TENM3: variants seen among roughly 807,000 people sequenced by gnomAD.
The protein encoded by TENM3 is teneurin transmembrane protein 3.
Under a neutral mutation model 255.1 loss-of-function variants are expected in TENM3, and 63 were observed. The ratio of observed to expected loss-of-function variants is 0.25; its 90% confidence interval spans 0.20 to 0.30. The LOEUF (loss-of-function observed/expected upper bound fraction) is 0.30. Ranked by LOEUF, TENM3 falls within the 10% of genes least tolerant of loss-of-function variation. The pLI, the probability that TENM3 is intolerant of heterozygous loss-of-function variation, is 1.00. For missense variants in TENM3, 2,929 were observed against 3,461.1 expected (o/e 0.85, Z 3.86); for synonymous variants, 1,306 against 1,322.3 (o/e 0.99, Z 0.27).
chr4:182,351,618 T>A (rs563204829), intron 3 of TENM3, among the ~76,000 whole-genome samples: 3 of 152,324 alleles, frequency 2.0e-5, no homozygotes, highest in South Asian at 2.1e-4. Flanking sequence ...TGGAGAAAGA[T>A]GACCTTTGAT....
the TENM3 span, among the ~76,000 whole-genome samples, chr4:181,559,406 G>A: frequency 6.6e-6 from 1 of 152,246 alleles, no homozygotes; most frequent in South Asian, 2.1e-4. Flanking sequence ...TTTTACATAG[G>A]CAGCAGCTTG....
intron 3 of TENM3, among the ~76,000 whole-genome samples, chr4:182,560,130 A>G (rs916587127): frequency 6.6e-6 from 1 of 151,452 alleles, no homozygotes; most frequent in African/African-American, 2.4e-5. Flanking sequence ...ACAGTACATC[A>G]CAATCACACA....
chr4:181,699,472 A>AAAAAAAAAAAAAAAAAAAAAAAAAAAAT, the TENM3 span, among the ~76,000 whole-genome samples: 4 of 133,052 alleles, frequency 3.0e-5, no homozygotes, highest in African/African-American at 1.2e-4. Flanking sequence ...AAAAAAAAAA[A>AAAAAAAAAAAAAAAAAAAAAAAAAAAAT]GAAAGAAAGA....
At chr4:182,442,620 C>CT (rs1208679823) in intron 3 of TENM3, among the ~76,000 whole-genome samples, 6 of 152,082 alleles carry the variant, frequency 3.9e-5, no homozygotes, top group Non-Finnish European at 1.5e-5. Flanking sequence ...GAGATAGAGT[C>CT]TTGCTTTGTC....
At chr4:182,617,697 A>G (rs1485613353) in intron 4 of TENM3, among the ~76,000 whole-genome samples, 1 of 152,188 alleles carries the variant, frequency 6.6e-6, no homozygotes, top group African/African-American at 2.4e-5. Context: ...CAAAACATCT[A>G]ATTTGAAGAA....
the TENM3 span, among the ~76,000 whole-genome samples, chr4:181,719,181 C>A: frequency 2.7e-5 from 4 of 150,696 alleles, no homozygotes; most frequent in East Asian, 7.7e-4. Flanking sequence ...AGTCCGCAGT[C>A]CGGCCTGGGC....
At chr4:182,249,875 C>T (rs532320109) in intron 1 of TENM3, among the ~76,000 whole-genome samples, 1 of 152,002 alleles carries the variant, frequency 6.6e-6, no homozygotes, top group South Asian at 2.1e-4. Context: ...AGGGATCCTC[C>T]ACCCAGCCTC....
the TENM3 span, among the ~76,000 whole-genome samples, chr4:181,637,216 T>A: frequency 1.1e-5 from 1 of 89,032 alleles, no homozygotes; most frequent in Non-Finnish European, 2.7e-5. Context: ...ATAGTTTCTA[T>A]AACAACAACA....
At chr4:182,127,222 C>T in the TENM3 span, among the ~76,000 whole-genome samples, 69,398 of 151,976 alleles carry the variant, frequency 0.46, 16,419 homozygotes, top group Non-Finnish European at 0.54. Flanking sequence ...ATATGTAAGG[C>T]AGACATCTAA....
the TENM3 span, among the ~76,000 whole-genome samples, chr4:181,840,183 C>G: frequency 6.6e-6 from 1 of 151,996 alleles, no homozygotes; most frequent in Admixed American, 6.6e-5. Flanking sequence ...TACAGTTCAA[C>G]TTATCAGCTA....
intron 3 of TENM3, among the ~76,000 whole-genome samples, chr4:182,378,774 T>C (rs1767360280): frequency 6.6e-6 from 1 of 152,142 alleles, no homozygotes; most frequent in South Asian, 2.1e-4. Flanking sequence ...AAGTGTTTTT[T>C]CTCCCAAAAT....
chr4:181,981,876 G>A, the TENM3 span, among the ~76,000 whole-genome samples: 6 of 152,184 alleles, frequency 3.9e-5, no homozygotes, highest in Non-Finnish European at 7.3e-5. Flanking sequence ...AAGATAAGAT[G>A]TGATGAGTTG....
chr4:182,733,358 G>A (rs945828753), intron 16 of TENM3, among the ~76,000 whole-genome samples: 1 of 152,190 alleles, frequency 6.6e-6, no homozygotes, highest in African/African-American at 2.4e-5. Flanking sequence ...CATTGAAGGT[G>A]TTTAAGCAGA....
At chr4:182,626,140 G>C (rs928689513) in intron 4 of TENM3, among the ~76,000 whole-genome samples, 1 of 152,130 alleles carries the variant, frequency 6.6e-6, no homozygotes, top group Non-Finnish European at 1.5e-5. Flanking sequence ...CAGTGATATC[G>C]CTGGAAAAGC....
upstream of TENM3, among the ~76,000 whole-genome samples, chr4:182,239,575 T>G (rs1271479139): frequency 6.6e-6 from 1 of 152,186 alleles, no homozygotes; most frequent in Non-Finnish European, 1.5e-5. Context: ...ATAAGTGGAT[T>G]CTTCAAGAGT....
chr4:182,332,723 A>G (rs1285554851), intron 2 of TENM3, among the ~76,000 whole-genome samples: 3 of 151,684 alleles, frequency 2.0e-5, no homozygotes, highest in African/African-American at 7.3e-5. Context: ...AAAAAAAAAG[A>G]CAAGAAATGA....
At chr4:182,171,320 T>A (rs1379715872) in intron 1 of TENM3, among the ~76,000 whole-genome samples, 1 of 152,226 alleles carries the variant, frequency 6.6e-6, no homozygotes, top group Admixed American at 6.5e-5. Context: ...GAGCTAGTCA[T>A]ATTATACTTT....
chr4:182,478,651 AT>A (rs528107459), intron 3 of TENM3, among the ~76,000 whole-genome samples: 16 of 151,894 alleles, frequency 1.1e-4, no homozygotes, highest in Admixed American at 1.1e-3. Context: ...CCATTGTAGC[AT>A]TTTTTTAGGC....
At chr4:182,043,948 C>G in the TENM3 span, among the ~76,000 whole-genome samples, 1 of 152,114 alleles carries the variant, frequency 6.6e-6, no homozygotes, top group South Asian at 2.1e-4. Flanking sequence ...CTTCTCTTGC[C>G]AGTTCGTGAA....
Sources: gnomAD v4.1 joint callset for allele counts (sites outside exome capture counted in the v4.1 genomes callset) on GRCh38, gnomAD v4.1.1 for gene constraint, MANE v1.5 for transcripts, NCBI Gene and HGNC (gene_info 2026-07-23, HGNC 2026-07-21) for gene names.